ADAMTS20: variants seen among roughly 807,000 people sequenced by gnomAD.
ADAMTS20 encodes the protein A disintegrin and metalloproteinase with thrombospondin motifs 20.
ADAMTS20 carries 225 observed loss-of-function variants against 260.1 expected under a neutral mutation model. That is an observed-to-expected ratio of 0.87 (90% confidence interval 0.78 to 0.97). ADAMTS20 has a LOEUF of 0.97. ADAMTS20 is among the 50% of genes least tolerant of loss of function. ADAMTS20 has a pLI of 0.00. For synonymous variants in ADAMTS20, 802 were observed against 769.5 expected, an observed-to-expected ratio of 1.04 and a Z score of -0.70; for missense variants, 2,400 against 2,337.7, an observed-to-expected ratio of 1.03 and a Z score of -0.55.
chr12:43,524,627 A>C (rs1474110507), intron 3 of ADAMTS20, among the ~76,000 whole-genome samples: 1 of 152,180 alleles, frequency 6.6e-6, no homozygotes, highest in Non-Finnish European at 1.5e-5. Flanking sequence ...TCAGAGCATG[A>C]ATGGAAAAAA....
intron 29 of ADAMTS20, among the ~76,000 whole-genome samples, chr12:43,394,476 T>G (rs1216738490): frequency 6.6e-6 from 1 of 152,144 alleles, no homozygotes; most frequent in Non-Finnish European, 1.5e-5. Context: ...TCATATTTAA[T>G]ATGTGATCAA....
intron 31 of ADAMTS20, among the ~76,000 whole-genome samples, chr12:43,379,705 T>A (rs893905096): frequency 1.3e-5 from 2 of 152,042 alleles, no homozygotes; most frequent in African/African-American, 2.4e-5. Flanking sequence ...TGACAAACAA[T>A]ATAGACTTAA....
Position 43,439,946 on chromosome 12 carries a change from A to G in ADAMTS20, c.2414T>C (p.Val805Ala). ...VIEYSGSNNA[V>A]ERINSTNRQE... ...TCGATTAGTACTATTAATTCTTTCAACTGCGTTATTTGATCCACTGTATTC... is the reference window on the plus strand; with the variant it reads ...TCGATTAGTACTATTAATTCTTTCAGCTGCGTTATTTGATCCACTGTATTC... Residue 805 changes from valine to alanine, a missense_variant, in exon 17 of 39, where the codon GTT becomes GCT. Coordinates refer to ENST00000389420, the MANE Select transcript of ADAMTS20 (RefSeq NM_025003.5). The G allele has an allele frequency of 6.2e-7, 1 of 1,604,950 alleles. No individual in the cohort carries two copies. The highest frequency in any genetic ancestry group is 2.2e-5 in the East Asian group (1 of 44,718).
At chr12:43,398,759 C>A (rs1940751921) in intron 29 of ADAMTS20, among the ~76,000 whole-genome samples, 1 of 151,944 alleles carries the variant, frequency 6.6e-6, no homozygotes, top group Non-Finnish European at 1.5e-5. Flanking sequence ...GTCTGTAATC[C>A]CAGCACTTTG....
chr12:43,383,119 A>G (rs1224728810), intron 31 of ADAMTS20, among the ~76,000 whole-genome samples: 1 of 152,136 alleles, frequency 6.6e-6, no homozygotes, highest in South Asian at 2.1e-4. Context: ...GGGGAAAGAG[A>G]TTATAAAGCA....
intron 3 of ADAMTS20, among the ~76,000 whole-genome samples, chr12:43,519,463 T>TA (rs952562344): frequency 1.8e-4 from 27 of 151,020 alleles, no homozygotes; most frequent in Admixed American, 1.2e-3. Flanking sequence ...AATGAACAAA[T>TA]AAAAAAAAAC....
At chr12:43,487,169 T>C (rs1942535770) in intron 7 of ADAMTS20, among the ~76,000 whole-genome samples, 1 of 152,038 alleles carries the variant, frequency 6.6e-6, no homozygotes, top group African/African-American at 2.4e-5. Flanking sequence ...TACCTAACTA[T>C]CCATCAACTG....
At position 43,428,393 on chromosome 12, in the gene ADAMTS20, G is replaced by C. The variant is rs1240376121; in HGVS notation, c.3793C>G (p.Pro1265Ala). The C allele has an allele frequency of 6.2e-7, 1 of 1,613,830 alleles. No individual in the cohort carries two copies. The highest frequency in any genetic ancestry group is 8.5e-7 in the Non-Finnish European group (1 of 1,179,858). The change falls in exon 26 of 39, where the codon CCT becomes GCT. Residue 1265 changes from proline (P) to alanine (A), a missense_variant. Coordinates refer to ENST00000389420, the MANE Select transcript of ADAMTS20 (RefSeq NM_025003.5). ...EQECSLAACP[P>A]AHSHFPSSPV... ...GAACTAGGAAAGTGGCTGTGTGCAG[G>C]AGGGCAGGCTGCCAGGCTACATTCC... is the stretch of plus-strand genomic sequence containing the variant.
chr12:43,354,573 C>T (rs1202026951), intron 38 of ADAMTS20, among the ~76,000 whole-genome samples: 1 of 150,212 alleles, frequency 6.7e-6, no homozygotes, highest in African/African-American at 2.5e-5. Flanking sequence ...TAAATCCAAT[C>T]CACATATTTC....
At position 43,475,523 on chromosome 12, in the gene ADAMTS20, G is replaced by T. The variant is rs548097832; in HGVS notation, c.1118-6818C>A. Among the ~76,000 whole-genome samples the T allele has an allele frequency of 2.6e-5, 4 of 151,486 alleles. 1 individual carries two copies. The highest frequency in any genetic ancestry group is 3.9e-4 in the East Asian group (2 of 5,130). ...TTCATATGGAACCAAAAAAGAGCCC[G>T]CATCGCCAAGTCAATCCTAAGCCAA... On this transcript the variant is annotated intron_variant, in intron 7 of 38. Coordinates refer to ENST00000389420, the MANE Select transcript of ADAMTS20 (RefSeq NM_025003.5).
intron 36 of ADAMTS20, among the ~76,000 whole-genome samples, chr12:43,371,923 T>A (rs1430157272): frequency 6.6e-6 from 1 of 152,248 alleles, no homozygotes; most frequent in Non-Finnish European, 1.5e-5. Context: ...GTTGAAGATG[T>A]TGCTAGGTTT....
At chr12:43,480,856 C>T (rs889948787) in intron 7 of ADAMTS20, among the ~76,000 whole-genome samples, 12 of 151,942 alleles carry the variant, frequency 7.9e-5, no homozygotes, top group African/African-American at 2.9e-4. Flanking sequence ...TCAAAGGGTA[C>T]ATAGTTTCAG....
intron 38 of ADAMTS20, among the ~76,000 whole-genome samples, chr12:43,354,899 C>T (rs1376775255): frequency 1.3e-5 from 2 of 152,062 alleles, no homozygotes; most frequent in Admixed American, 6.6e-5. Context: ...GGAGATTGTT[C>T]CATAAGCAGA....
intron 28 of ADAMTS20, among the ~76,000 whole-genome samples, chr12:43,417,142 T>A (rs934435227): frequency 6.6e-6 from 1 of 152,168 alleles, no homozygotes; most frequent in Non-Finnish European, 1.5e-5. Context: ...ATCTCAATAA[T>A]CTTGAGTGGA....
Position 43,452,591 on chromosome 12 carries a change from C to A in ADAMTS20, c.1865G>T (p.Cys622Phe), listed in dbSNP as rs759138128. The part of the protein sequence containing the change: ...KGTQDFREKQ[C>F]SDFNGKHLDI... ...CAAATGTTTACCATTAAAATCAGAG[C>A]ACTGCTTCTCTCGAAAGTCTTGTGT... The change falls in exon 13 of 39, where the codon TGC becomes TTC. Residue 622 changes from cysteine (C) to phenylalanine (F), a missense_variant. Physicochemically the swap from Cys to Phe is radical, Grantham distance 205. Coordinates refer to ENST00000389420, the MANE Select transcript of ADAMTS20 (RefSeq NM_025003.5). 6 of 1,613,478 alleles carry A rather than the reference C, an allele frequency of 3.7e-6. No individual in the cohort carries two copies. Among genetic ancestry groups the A allele is most frequent in the Non-Finnish European group, 5.1e-6 (6 of 1,179,710 alleles).
At chr12:43,441,561 T>C (rs541612818) in intron 16 of ADAMTS20, among the ~76,000 whole-genome samples, 31 of 152,270 alleles carry the variant, frequency 2.0e-4, no homozygotes, top group Non-Finnish European at 3.5e-4. Context: ...TCTATTTCAG[T>C]CTTTTAATCA....
chr12:43,434,160 C>T, intron 19 of ADAMTS20, 85 bp downstream of exon 19: 1 of 1,373,294 alleles, frequency 7.3e-7, no homozygotes, highest in Non-Finnish European at 9.8e-7. Context: ...AATTGCATGT[C>T]CATGCTGTGT....
chr12:43,422,623 C>A (rs1941257297), intron 28 of ADAMTS20, among the ~76,000 whole-genome samples: 1 of 151,858 alleles, frequency 6.6e-6, no homozygotes, highest in African/African-American at 2.4e-5. Flanking sequence ...CTATACAAAC[C>A]TTTATTGTGA....
At chr12:43,543,640 C>T (rs922479620) in intron 2 of ADAMTS20, among the ~76,000 whole-genome samples, 41 of 152,286 alleles carry the variant, frequency 2.7e-4, no homozygotes, top group African/African-American at 8.2e-4. Context: ...TTTGAGTTTT[C>T]TCCTTATAGA....
Sources: allele counts gnomAD v4.1 joint callset (sites outside exome capture counted in the v4.1 genomes callset), GRCh38; gene constraint gnomAD v4.1.1; transcripts MANE v1.5; gene names NCBI Gene and HGNC (gene_info 2026-07-23, HGNC 2026-07-21).